The following USP11 variants were observed in gnomAD, a reference collection of about 807,000 sequenced individuals.
The protein encoded by USP11 is ubiquitin specific peptidase 11.
A neutral mutation model predicts 72.8 loss-of-function variants in USP11; 5 were observed. That is an observed-to-expected ratio of 0.07 (90% CI 0.04 to 0.14). The LOEUF (loss-of-function observed/expected upper bound fraction) is 0.14, where lower values mean the gene tolerates loss of function less well. Among genes scored for constraint, USP11 ranks in the 10% least tolerant of loss-of-function variants. The probability of loss-of-function intolerance (pLI) is 1.00; values close to 1 mark genes in which losing one functional copy is unlikely to be tolerated. For missense variants in USP11, 480 were observed against 794.7 expected, an observed-to-expected ratio of 0.60 and a Z score of 4.76; for synonymous variants, 368 against 326.5, an observed-to-expected ratio of 1.13 and a Z score of -1.37.
Position 47,240,572 on chromosome X carries a change from CT to C in USP11, c.682-12del, listed in dbSNP as rs772923612. On this transcript the variant is annotated splice_polypyrimidine_tract_variant and intron_variant, in intron 5 of 20. Transcript: ENST00000377107. ...TCCATTAATACCTTTCCTTCTTTCTCTTTCTCCAACCCAGTTGATCATCATG... is the reference window on the plus strand; with the variant it reads ...TCCATTAATACCTTTCCTTCTTTCTCTTCTCCAACCCAGTTGATCATCATG... 103 of 1,210,059 alleles carry C rather than the reference CT, an allele frequency of 8.5e-5. No individual in the cohort carries two copies. The highest frequency in any genetic ancestry group is 4.6e-4 in the Middle Eastern group (2 of 4,375).
intron 1 of USP11, among the ~76,000 whole-genome samples, chrX:47,237,343 G>C (rs749318622): frequency 9.0e-6 from 1 of 110,773 alleles, no homozygotes; most frequent in South Asian, 3.8e-4. Context: ...AGGGTCTGTG[G>C]GGGTCAGTGC....
intron 1 of USP11, chrX:47,233,891 C>T (rs1272911034): frequency 8.9e-6 from 1 of 112,260 alleles, no homozygotes; most frequent in African/African-American, 3.2e-5. Context: ...CGGAAGCCTT[C>T]CCGAGTCGAG....
In USP11 at chrX:47,245,091, A is replaced by G. The variant is rs1247873443; in HGVS notation, c.2157+5A>G. ...TATGACGAGGTAGAGGCTGAGGTAA[A>G]TGAGATCCCAGGGATGGGGGGTACT... On this transcript the variant is annotated splice_donor_5th_base_variant and intron_variant, in intron 16 of 20. Transcript: ENST00000377107. 5 of 1,208,281 alleles carry G rather than the reference A, an allele frequency of 4.1e-6. No individual in the cohort carries two copies. The African/African-American group carries it at 7.0e-5, about 17-fold the overall frequency.
At chrX:47,247,755 C>T (rs1431156274) in intron 20 of USP11, 38 bp from the exon 21 acceptor site, 8 of 1,206,371 alleles carry the variant, frequency 6.6e-6, no homozygotes, top group Non-Finnish European at 8.9e-6. Context: ...ACCTCCCCAC[C>T]CCCACAATCC....
At position 47,248,053 on chromosome X, in the gene USP11, G is replaced by A. The variant is rs965850735; in HGVS notation, c.*123G>A. ...CCCGCCAGGCATTGCAGGCTTAGTC[G>A]TGGCTACTGTTCTCCTGTGCCGCTG... On this transcript the variant is annotated 3_prime_UTR_variant, in exon 21 of 21. Coordinates refer to ENST00000377107, the MANE Select transcript of USP11 (RefSeq NM_001371072.1). 3.4e-5 allele frequency: 34 copies of A among 985,607 alleles called. No individual in the cohort carries two copies. The highest frequency in any genetic ancestry group is 3.9e-5 in the Non-Finnish European group (29 of 743,975). 81.2% of individuals were successfully genotyped at this position (985,607 alleles called of 1,213,427 possible).
chrX:47,241,615 C>T lies in USP11; in HGVS notation c.1095C>T (p.Leu365=), dbSNP rs768818580. The stretch of plus-strand genomic sequence containing the variant: ...ACTCTCAGGAGCTGCTGTCATTCCT[C>T]CTGGACGGGCTGCATGAGGACCTTA... The part of the protein sequence containing the change: ...QHDSQELLSF[L]LDGLHEDLNR... Residue 365 remains leucine (L), a synonymous_variant, in exon 9 of 21, where the codon CTC becomes CTT. Coordinates refer to ENST00000377107, the MANE Select transcript of USP11 (RefSeq NM_001371072.1). 3 of 1,211,033 alleles carry T rather than the reference C, an allele frequency of 2.5e-6. No homozygotes were observed. In the Admixed American group the frequency reaches 6.5e-5, roughly 26 times the overall value.
chrX:47,243,387 C>T lies in USP11; in HGVS notation c.1584-9C>T, dbSNP rs780375231. ...CTGATCAGGTGTGCCTGCTGTCCAC[C>T]CCCCACAGCTATGAGGTGTCAGGTC... On this transcript the variant is annotated splice_polypyrimidine_tract_variant and intron_variant, in intron 12 of 20. Coordinates refer to ENST00000377107, the MANE Select transcript of USP11 (RefSeq NM_001371072.1). 4.1e-6 allele frequency: 5 copies of T among 1,211,601 alleles called. No individual in the cohort carries two copies. The highest frequency in any genetic ancestry group is 5.6e-6 in the Non-Finnish European group (5 of 895,133).
intron 13 of USP11, among the ~76,000 whole-genome samples, chrX:47,244,201 C>T (rs763618085): frequency 5.7e-5 from 6 of 106,156 alleles, no homozygotes; most frequent in Non-Finnish European, 7.7e-5. Context: ...CGGATTCAAG[C>T]GATTCTCCTG....
At chrX:47,238,911 C>G (rs768289212) in intron 1 of USP11, among the ~76,000 whole-genome samples, 159 bp from the exon 2 acceptor site, 1 of 112,148 alleles carries the variant, frequency 8.9e-6, no homozygotes, top group Non-Finnish European at 1.9e-5. Flanking sequence ...ATCTGAGTTT[C>G]ACTGAATAAA....
At chrX:47,237,090 C>T (rs1452790933) in intron 1 of USP11, among the ~76,000 whole-genome samples, 1 of 112,282 alleles carries the variant, frequency 8.9e-6, no homozygotes, top group African/African-American at 3.2e-5. Context: ...CACTCTACAG[C>T]GTGATTTTAA....
rs60470508 is a variant in USP11, at chrX:47,239,590, T to C, written c.417+109T>C. 12,094 of 1,096,374 alleles carry C rather than the reference T, an allele frequency of 0.011. 635 individuals carry two copies. In the African/African-American group the frequency reaches 0.17, roughly 15 times the overall value. 90.4% of individuals were successfully genotyped at this position (1,096,374 alleles called of 1,213,427 possible). A position where few individuals can be genotyped will look rare whatever the true frequency, so the allele number is the denominator to read the frequency against. ...GCTGGGTAGGTACACATATGTCTGCTCTCTTCCCCCTCCTAGCTCATCATA... is the reference window on the plus strand; with the variant it reads ...GCTGGGTAGGTACACATATGTCTGCCCTCTTCCCCCTCCTAGCTCATCATA... On this transcript the variant is annotated intron_variant, in intron 3 of 20. Transcript: ENST00000377107.
Position 47,243,493 on chromosome X carries a change from A to T in USP11, c.1681A>T (p.Asn561Tyr), listed in dbSNP as rs1239698401. ...GGAGCGCACCCCTGCCCGTGACTAC[A>T]ACAACTCCTACTACGGCCTGATGCT... ...LRERTPARDY[N>Y]NSYYGLMLFG... Residue 561 changes from asparagine to tyrosine, a missense_variant, in exon 13 of 21, where the codon AAC becomes TAC. Transcript: ENST00000377107. 4.1e-5 allele frequency: 49 copies of T among 1,209,412 alleles called. No individual in the cohort carries two copies. Among genetic ancestry groups the T allele is most frequent in the Non-Finnish European group, 5.0e-5 (45 of 895,060 alleles).
At chrX:47,247,476 C>G (rs2053639999) in intron 19 of USP11, 57 bp downstream of exon 19, 4 of 1,175,380 alleles carry the variant, frequency 3.4e-6, no homozygotes, top group Non-Finnish European at 3.5e-6. Flanking sequence ...GGGGGGCGAT[C>G]AGGACCTTCC....
chrX:47,244,738 C>G lies in USP11; in HGVS notation c.1900C>G (p.Arg634Gly), dbSNP rs775998394. ...VPGPSTGGSL[R>G]DPEPEQAGPS... Reference sequence around the variant, plus strand: ...TGGGCCCTCAACTGGGGGCAGCCTCCGAGACCCTGAGCCAGAGCAGGCTGG... The same window carrying G: ...TGGGCCCTCAACTGGGGGCAGCCTCGGAGACCCTGAGCCAGAGCAGGCTGG... Residue 634 changes from arginine to glycine, a missense_variant, in exon 15 of 21, where the codon CGA (arginine) becomes GGA (glycine). This residue lies in a region of USP11 where 314 missense variants were observed against 556.0 expected (regional missense o/e 0.56). Transcript: ENST00000377107. 11 of 1,209,712 alleles carry G rather than the reference C, an allele frequency of 9.1e-6. No homozygotes were observed. The highest frequency in any genetic ancestry group is 1.2e-5 in the Non-Finnish European group (11 of 894,752).
chrX:47,247,012 C>G, intron 17 of USP11, 60 bp from the exon 18 acceptor site: 1 of 1,136,606 alleles, frequency 8.8e-7, no homozygotes, highest in Non-Finnish European at 1.2e-6. Context: ...CAGAGCGATT[C>G]TCTGTCTCAA....
intron 17 of USP11, among the ~76,000 whole-genome samples, chrX:47,246,514 A>G (rs1319883045): frequency 8.9e-6 from 1 of 112,187 alleles, no homozygotes; most frequent in Non-Finnish European, 1.9e-5. Flanking sequence ...AAATAAGACT[A>G]GCATCTCATG....
chrX:47,241,654 G>A lies in USP11; in HGVS notation c.1134G>A (p.Lys378=), dbSNP rs1277646669. The A allele has an allele frequency of 1.7e-6, 2 of 1,210,111 alleles. No homozygotes were observed. The highest frequency in any genetic ancestry group is 2.2e-6 in the Non-Finnish European group (2 of 894,815). The part of the protein sequence containing the change: ...GLHEDLNRVK[K]KEYVELCDAA... ...ATGAGGACCTTAATCGGGTGAAGAA[G>A]AAGGAGTATGTGGAGCTGTGCGATG... The change falls in exon 9 of 21, where the codon AAG becomes AAA. Residue 378 remains lysine (K), a synonymous_variant. Coordinates refer to ENST00000377107, the MANE Select transcript of USP11 (RefSeq NM_001371072.1).
intron 1 of USP11, chrX:47,233,760 G>A (rs2055358156): frequency 5.6e-5 from 4 of 71,664 alleles, no homozygotes; most frequent in Non-Finnish European, 1.5e-4. Context: ...TTGGTGACGT[G>A]AGCTGAGGGG....
In USP11 at chrX:47,242,459, G is replaced by A; in HGVS notation, c.1425G>A (p.Lys475=). The A allele has an allele frequency of 2.5e-6, 3 of 1,212,119 alleles. No individual in the cohort carries two copies. The highest frequency in any genetic ancestry group is 3.3e-6 in the Non-Finnish European group (3 of 895,610). The stretch of plus-strand genomic sequence containing the variant: ...CTTAGCACCGGCTCGTGGTCCCCAA[G>A]AAAGGCAAGATCTCGGATCTATGTG... The part of the protein sequence containing the change: ...KPEQHRLVVP[K]KGKISDLCVA... The change falls in exon 11 of 21, where the codon AAG becomes AAA. Residue 475 remains lysine, a synonymous_variant. Transcript: ENST00000377107.
Sources: allele counts gnomAD v4.1 joint callset (sites outside exome capture counted in the v4.1 genomes callset), GRCh38; gene constraint gnomAD v4.1.1; regional missense constraint gnomAD v4.1.1; transcripts MANE v1.5; gene names NCBI Gene and HGNC (gene_info 2026-07-23, HGNC 2026-07-21).